Variants in GDI2 observed in about 807,000 individuals in gnomAD.
GDI2 encodes rab GDP dissociation inhibitor beta.
Under a neutral mutation model 54.2 loss-of-function variants are expected in GDI2, and 22 were observed. That is an observed-to-expected ratio of 0.41 (90% CI 0.29 to 0.58). The LOEUF is 0.58. Among genes scored for constraint, GDI2 ranks in the 20% least tolerant of loss-of-function variants. The probability of loss-of-function intolerance (pLI) is 0.35; values close to 1 mark genes in which losing one functional copy is unlikely to be tolerated. For synonymous variants in GDI2, 177 were observed against 182.1 expected (o/e 0.97, Z 0.23); for missense variants, 422 against 546.0 (o/e 0.77, Z 2.26).
At chr10:5,789,155 G>C (rs1390914878) in intron 4 of GDI2, among the ~76,000 whole-genome samples, 1 of 151,516 alleles carries the variant, frequency 6.6e-6, no homozygotes, top group Non-Finnish European at 1.5e-5. Context: ...ACCCAGACTA[G>C]AGTGCAGTGG....
intron 4 of GDI2, 35 bp downstream of exon 4, chr10:5,794,850 T>C: frequency 2.1e-6 from 3 of 1,430,628 alleles, no homozygotes; most frequent in East Asian, 2.3e-5. Flanking sequence ...TCTGAGAAAA[T>C]AAAACTAGTT....
chr10:5,773,694 G>C, intron 7 of GDI2, 148 bp downstream of exon 7: 1 of 590,926 alleles, frequency 1.7e-6, no homozygotes, highest in South Asian at 2.1e-5. Context: ...ACAAAGCACA[G>C]CAACTGTAAT....
At chr10:5,802,085 GGAA>G (rs1841283157) in intron 1 of GDI2, among the ~76,000 whole-genome samples, 1 of 152,098 alleles carries the variant, frequency 6.6e-6, no homozygotes, top group South Asian at 2.1e-4. Context: ...TGAAAAAATG[GGAA>G]GAATACAGAC....
chr10:5,767,366 CAG>C (rs1448223198), intron 8 of GDI2, among the ~76,000 whole-genome samples: 2 of 152,010 alleles, frequency 1.3e-5, no homozygotes, highest in African/African-American at 4.8e-5. Flanking sequence ...AGGTTGGAGA[CAG>C]GGATGCAATC....
At chr10:5,808,185 A>C (rs758347488) in intron 1 of GDI2, among the ~76,000 whole-genome samples, 2 of 152,060 alleles carry the variant, frequency 1.3e-5, no homozygotes, top group Non-Finnish European at 2.9e-5. Flanking sequence ...AAAAATACCC[A>C]AACTACATGC....
chr10:5,780,130 G>T (rs1360311007), intron 6 of GDI2, among the ~76,000 whole-genome samples: 1 of 151,454 alleles, frequency 6.6e-6, no homozygotes, highest in African/African-American at 2.4e-5. Flanking sequence ...GATCCCTTTA[G>T]CCCAGGAGGC....
At position 5,768,451 on chromosome 10, in the gene GDI2, T is replaced by C; in HGVS notation, c.820-67A>G. On this transcript the variant is annotated intron_variant, in intron 7 of 10. Coordinates refer to ENST00000380191, the MANE Select transcript of GDI2 (RefSeq NM_001494.4). This position sits in a 1 kb window ranked among gnomAD's most constrained non-coding sequence, Gnocchi z 4.4. Reference sequence around the variant, plus strand: ...TATAGGGAAACACATCCCATGTTCATAGTTTGGAAGACTTAGTATTGTTAA... The same window carrying C: ...TATAGGGAAACACATCCCATGTTCACAGTTTGGAAGACTTAGTATTGTTAA... 1.2e-5 allele frequency: 12 copies of C among 1,024,864 alleles called. No individual in the cohort carries two copies. Among genetic ancestry groups the C allele is most frequent in the East Asian group, 2.5e-5 (1 of 40,252 alleles). The allele number at this position is 1,024,864 out of a possible 1,614,324, so 63.5% of individuals were successfully genotyped here.
rs1840400332 is a variant in GDI2, at chr10:5,768,097, T to C, written c.991+116A>G. The C allele has an allele frequency of 4.9e-6, 4 of 817,186 alleles. No homozygotes were observed. Among genetic ancestry groups the C allele is most frequent in the Non-Finnish European group, 7.9e-6 (4 of 503,658 alleles). 50.6% of individuals were successfully genotyped at this position (817,186 alleles called of 1,614,324 possible). A position where few individuals can be genotyped will look rare whatever the true frequency, so the allele number is the denominator to read the frequency against. ...GGTACAAAGATTTTTTTCCCCCATA[T>C]GTAAACCAAGGTCTGTTCACTAATA... On this transcript the variant is annotated intron_variant, in intron 8 of 10. Transcript: ENST00000380191. The surrounding 1 kb of genome is among the most constrained non-coding windows in gnomAD (Gnocchi z 4.4).
intron 6 of GDI2, among the ~76,000 whole-genome samples, chr10:5,777,369 A>G (rs971877878): frequency 1.3e-5 from 2 of 152,202 alleles, no homozygotes; most frequent in African/African-American, 4.8e-5. Flanking sequence ...GCTACTCAGG[A>G]GGCTGAAGTG....
intron 3 of GDI2, among the ~76,000 whole-genome samples, chr10:5,795,730 G>C (rs1044306101): frequency 1.3e-5 from 2 of 152,016 alleles, no homozygotes; most frequent in African/African-American, 2.4e-5. Flanking sequence ...AAGAGTCCAA[G>C]ACCAACCCAC....
chr10:5,811,465 T>C (rs1841478323), intron 1 of GDI2, among the ~76,000 whole-genome samples: 1 of 152,184 alleles, frequency 6.6e-6, no homozygotes, highest in South Asian at 2.1e-4. Flanking sequence ...GCCTGCATGA[T>C]GGTGGATTTG....
At chr10:5,809,784 G>C (rs568454588) in intron 1 of GDI2, among the ~76,000 whole-genome samples, 1 of 152,314 alleles carries the variant, frequency 6.6e-6, no homozygotes, top group Non-Finnish European at 1.5e-5. Flanking sequence ...GGAAGACAGA[G>C]GTAATTGCAG....
Position 5,766,698 on chromosome 10 carries a change from T to C in GDI2, c.992-60A>G. On this transcript the variant is annotated intron_variant, in intron 8 of 10. Transcript: ENST00000380191. The surrounding 1 kb of genome is among the most constrained non-coding windows in gnomAD (Gnocchi z 5.8). Reference sequence around the variant, plus strand: ...TGTCTCCATCTGGGACCCAACATACTCAGGTATCACCCATATGTCATGAGG... The same window carrying C: ...TGTCTCCATCTGGGACCCAACATACCCAGGTATCACCCATATGTCATGAGG... 7.3e-7 allele frequency: 1 copy of C among 1,376,594 alleles called. No individual in the cohort carries two copies. Among genetic ancestry groups the C allele is most frequent in the Non-Finnish European group, 1.0e-6 (1 of 966,392 alleles). 85.3% of individuals were successfully genotyped at this position (1,376,594 alleles called of 1,614,324 possible).
chr10:5,776,484 T>A lies in GDI2; in HGVS notation c.720-2543A>T. 9.5e-7 allele frequency: 1 copy of A among 1,055,290 alleles called. No individual in the cohort carries two copies. Among genetic ancestry groups the A allele is most frequent in the East Asian group, 2.4e-5 (1 of 42,130 alleles). The allele number at this position is 1,055,290 out of a possible 1,614,324, so 65.4% of individuals were successfully genotyped here. A position where few individuals can be genotyped will look rare whatever the true frequency, so the allele number is the denominator to read the frequency against. ...GCAAAAGAGTGAGCCAGCAGAGCCA[T>A]GTATTAGAAGCAAAGGCCCGAAAGA... On this transcript the variant is annotated intron_variant, in intron 6 of 10. Coordinates refer to ENST00000380191, the MANE Select transcript of GDI2 (RefSeq NM_001494.4). This position sits in a 1 kb window ranked among gnomAD's most constrained non-coding sequence, Gnocchi z 5.3.
chr10:5,793,902 G>A, intron 4 of GDI2, among the ~76,000 whole-genome samples: 1 of 152,104 alleles, frequency 6.6e-6, no homozygotes, highest in East Asian at 1.9e-4. Context: ...GGTGGCTCAT[G>A]CCTGTAATCT....
intron 4 of GDI2, among the ~76,000 whole-genome samples, chr10:5,787,070 C>A (rs1395148933): frequency 6.6e-6 from 1 of 152,104 alleles, no homozygotes; most frequent in African/African-American, 2.4e-5. Flanking sequence ...TCCCCCCATT[C>A]CTAAGCTGTA....
At chr10:5,782,140 A>G (rs927707855) in intron 6 of GDI2, among the ~76,000 whole-genome samples, 1 of 152,254 alleles carries the variant, frequency 6.6e-6, no homozygotes, top group Non-Finnish European at 1.5e-5. Flanking sequence ...TCAAAAACAG[A>G]AAGACAATCC....
At position 5,772,287 on chromosome 10, in the gene GDI2, G is replaced by A. The variant is rs138498264; in HGVS notation, c.819+1555C>T. The stretch of plus-strand genomic sequence containing the variant: ...CAGTGCTATTTGTGCTGATATACCT[G>A]AGAATTAAGTTAGCATTAACAAAAC... On this transcript the variant is annotated intron_variant, in intron 7 of 10. Coordinates refer to ENST00000380191, the MANE Select transcript of GDI2 (RefSeq NM_001494.4). Among the ~76,000 whole-genome samples the A allele has an allele frequency of 6.6e-3, 1,008 of 152,300 alleles. 7 individuals are homozygous for A. The highest frequency in any genetic ancestry group is 9.5e-3 in the Non-Finnish European group (649 of 68,028).
At chr10:5,784,131 A>G (rs998674016) in intron 6 of GDI2, among the ~76,000 whole-genome samples, 7 of 152,076 alleles carry the variant, frequency 4.6e-5, no homozygotes, top group Admixed American at 6.5e-5. Flanking sequence ...ATTTTTTTAA[A>G]TTCTTTTTTG....
Sources: allele counts gnomAD v4.1 joint callset (sites outside exome capture counted in the v4.1 genomes callset), GRCh38; gene constraint gnomAD v4.1.1; non-coding constraint Gnocchi (gnomAD v3.1); transcripts MANE v1.5; gene names NCBI Gene and HGNC (gene_info 2026-07-23, HGNC 2026-07-21).